Variants in STK3 observed in about 807,000 individuals in gnomAD.
STK3 encodes the protein serine/threonine kinase 3.
STK3 carries 41 observed loss-of-function variants against 58.0 expected under a neutral mutation model. That is an observed-to-expected ratio of 0.71 (90% CI 0.55 to 0.92). The LOEUF is 0.92. STK3 is among the 40% of genes least tolerant of loss of function. The pLI is 0.00. For missense variants in STK3, 479 were observed against 602.7 expected (o/e 0.79, Z 2.15); for synonymous variants, 170 against 191.0 (o/e 0.89, Z 0.91).
chr8:98,871,540 C>A (rs552082159), intron 3 of STK3, among the ~76,000 whole-genome samples: 2 of 152,238 alleles, frequency 1.3e-5, no homozygotes, highest in Non-Finnish European at 2.9e-5. Context: ...TTGTAGTTCT[C>A]CTTGAAGAGG....
intron 6 of STK3, among the ~76,000 whole-genome samples, chr8:98,657,541 G>A (rs572703778): frequency 3.3e-5 from 5 of 151,874 alleles, no homozygotes; most frequent in African/African-American, 7.3e-5. Flanking sequence ...TCTTATAAAC[G>A]CCATGAAAAA....
chr8:98,928,981 A>G (rs80047277), intron 1 of STK3, among the ~76,000 whole-genome samples: 5 of 152,236 alleles, frequency 3.3e-5, no homozygotes, highest in Admixed American at 6.5e-5. Context: ...AGCTTGACAA[A>G]CAGGCCGGGC....
rs542222820 is a variant in STK3 at position 98,612,988 on chromosome 8, C to T, written c.685-16819G>A. 2.8e-4 allele frequency among the ~76,000 whole-genome samples: 42 copies of T among 152,302 alleles called. 1 individual carries two copies. Among genetic ancestry groups the T allele is most frequent in the Non-Finnish European group, 5.4e-4 (37 of 68,038 alleles). On this transcript the variant is annotated intron_variant, in intron 6 of 10. Coordinates refer to ENST00000419617, the MANE Select transcript of STK3 (RefSeq NM_006281.4). ...AACTGGCAGCAATGAGGTGATCCTC[C>T]CACTACCCACTGAGGAGGACTAGAA...
intron 6 of STK3, among the ~76,000 whole-genome samples, chr8:98,660,038 T>G (rs1027398458): frequency 6.6e-6 from 1 of 151,852 alleles, no homozygotes; most frequent in Non-Finnish European, 1.5e-5. Context: ...ACGAAGACGA[T>G]GAATGGATAA....
At chr8:98,653,032 T>C (rs1344218560) in intron 6 of STK3, among the ~76,000 whole-genome samples, 2 of 152,162 alleles carry the variant, frequency 1.3e-5, no homozygotes, top group Non-Finnish European at 2.9e-5. Context: ...AATATACATT[T>C]CTTTCAGCAC....
chr8:98,678,068 T>C (rs1355379877), intron 6 of STK3, among the ~76,000 whole-genome samples: 4 of 152,224 alleles, frequency 2.6e-5, no homozygotes, highest in Admixed American at 2.6e-4. Flanking sequence ...ATGATTGTAC[T>C]GATAGAAGGA....
chr8:98,738,289 G>A (rs1054220557), intron 4 of STK3, among the ~76,000 whole-genome samples: 32 of 151,898 alleles, frequency 2.1e-4, no homozygotes, highest in Middle Eastern at 3.4e-3. Flanking sequence ...CCTGGCCAAC[G>A]TGGCGAAACC....
chr8:98,829,183 G>A (rs1329132601), upstream of STK3, among the ~76,000 whole-genome samples: 1 of 152,174 alleles, frequency 6.6e-6, no homozygotes, highest in Non-Finnish European at 1.5e-5. Context: ...CTGTGTTCCA[G>A]AGAATCATGG....
chr8:98,740,858 A>T (rs907334376), intron 4 of STK3, among the ~76,000 whole-genome samples: 7 of 152,082 alleles, frequency 4.6e-5, no homozygotes, highest in East Asian at 1.9e-4. Context: ...CCATCTCACA[A>T]GCAGAGACAC....
chr8:98,872,740 A>G (rs769215873), intron 3 of STK3, among the ~76,000 whole-genome samples: 8 of 151,058 alleles, frequency 5.3e-5, no homozygotes, highest in Non-Finnish European at 1.0e-4. Flanking sequence ...TTTTTTCTTT[A>G]TTAGTCTTGC....
intron 6 of STK3, among the ~76,000 whole-genome samples, chr8:98,641,122 CAAG>C (rs1426071827): frequency 2.0e-5 from 3 of 152,084 alleles, no homozygotes; most frequent in African/African-American, 7.2e-5. Flanking sequence ...ATCTTCCCCA[CAAG>C]AAGATTTCCC....
chr8:98,934,428 T>C (rs1173678484), intron 1 of STK3, among the ~76,000 whole-genome samples: 1 of 152,032 alleles, frequency 6.6e-6, no homozygotes, highest in East Asian at 1.9e-4. Flanking sequence ...ACCTCCCCAC[T>C]CTAAGAAGAA....
At chr8:98,648,358 C>T (rs1254345167) in intron 6 of STK3, among the ~76,000 whole-genome samples, 2 of 152,158 alleles carry the variant, frequency 1.3e-5, no homozygotes, top group Non-Finnish European at 2.9e-5. Flanking sequence ...TTCAACTTTT[C>T]CCACCTTGTT....
intron 6 of STK3, among the ~76,000 whole-genome samples, chr8:98,639,793 G>T (rs761082638): frequency 6.6e-6 from 1 of 152,092 alleles, no homozygotes; most frequent in Non-Finnish European, 1.5e-5. Context: ...AAGAAACAAA[G>T]ACACGCCTTT....
chr8:98,545,082 C>T (rs1810590951), intron 9 of STK3, among the ~76,000 whole-genome samples: 1 of 152,166 alleles, frequency 6.6e-6, no homozygotes, highest in Non-Finnish European at 1.5e-5. Context: ...ATCTCTCCTA[C>T]CCCATCAGTT....
At chr8:98,592,148 G>A (rs542591260) in intron 7 of STK3, among the ~76,000 whole-genome samples, 1 of 152,214 alleles carries the variant, frequency 6.6e-6, no homozygotes, top group African/African-American at 2.4e-5. Flanking sequence ...GTTTACATAT[G>A]TAAGTAAGGT....
At chr8:98,471,905 G>A (rs1217797124) in intron 10 of STK3, among the ~76,000 whole-genome samples, 1 of 152,116 alleles carries the variant, frequency 6.6e-6, no homozygotes, top group African/African-American at 2.4e-5. Context: ...AAGAAATCTG[G>A]TGAGTACTTA....
intron 1 of STK3, among the ~76,000 whole-genome samples, chr8:98,806,068 T>C (rs1833867352): frequency 6.6e-6 from 1 of 152,206 alleles, no homozygotes; most frequent in African/African-American, 2.4e-5. Flanking sequence ...CTTTCATTAT[T>C]ATGTACTGTA....
intron 10 of STK3, among the ~76,000 whole-genome samples, chr8:98,525,612 T>C (rs1322956142): frequency 6.6e-6 from 1 of 152,114 alleles, no homozygotes. Context: ...TGTATTGATT[T>C]TATTTTTCTA....
Sources: gnomAD v4.1 joint callset for allele counts (sites outside exome capture counted in the v4.1 genomes callset) on GRCh38, gnomAD v4.1.1 for gene constraint, MANE v1.5 for transcripts, NCBI Gene and HGNC (gene_info 2026-07-23, HGNC 2026-07-21) for gene names.